ZNF385D: variants seen among roughly 807,000 people sequenced by gnomAD.
ZNF385D encodes zinc finger protein 659.
A neutral mutation model predicts 35.8 loss-of-function variants in ZNF385D; 15 were observed. The ratio of observed to expected loss-of-function variants is 0.42; its 90% CI spans 0.28 to 0.64. The LOEUF (loss-of-function observed/expected upper bound fraction) is 0.64, where lower values mean the gene tolerates loss of function less well. Ranked by LOEUF, ZNF385D falls within the 30% of genes least tolerant of loss-of-function variation. The pLI is 0.23. For missense variants in ZNF385D, 474 were observed against 494.6 expected, an observed-to-expected ratio of 0.96 and a Z score of 0.39; for synonymous variants, 212 against 186.8, an observed-to-expected ratio of 1.13 and a Z score of -1.10.
chr3:22,022,671 A>C (rs1697295692), intron 3 of ZNF385D, among the ~76,000 whole-genome samples: 2 of 152,196 alleles, frequency 1.3e-5, no homozygotes, highest in South Asian at 4.1e-4. Context: ...TGTCTTAAGC[A>C]AACTCAACAT....
chr3:21,626,735 GTT>G (rs1312488438), intron 2 of ZNF385D, among the ~76,000 whole-genome samples: 2 of 152,206 alleles, frequency 1.3e-5, no homozygotes, highest in Non-Finnish European at 2.9e-5. Context: ...TGAGAAGTGA[GTT>G]CAAAATGGAT....
chr3:22,123,962 C>CTCTCTCTCTCTCTA (rs1491571691), intron 3 of ZNF385D, among the ~76,000 whole-genome samples: 1 of 61,840 alleles, frequency 1.6e-5, no homozygotes, highest in African/African-American at 6.1e-5. Context: ...CTCTCTCTCT[C>CTCTCTCTCTCTCTA]TATATATATA....
intron 2 of ZNF385D, among the ~76,000 whole-genome samples, chr3:21,571,332 C>CTAAT (rs1192402131): frequency 6.6e-6 from 1 of 152,092 alleles, no homozygotes; most frequent in Non-Finnish European, 1.5e-5. Flanking sequence ...AAACCATATC[C>CTAAT]TAATTTTTGC....
chr3:22,024,047 C>A (rs1171894694), intron 3 of ZNF385D, among the ~76,000 whole-genome samples: 3 of 152,114 alleles, frequency 2.0e-5, no homozygotes, highest in African/African-American at 4.8e-5. Flanking sequence ...CTGGGAAAGG[C>A]AGACCCACCC....
At chr3:22,279,012 C>G (rs1411083689) in intron 2 of ZNF385D, among the ~76,000 whole-genome samples, 3 of 152,142 alleles carry the variant, frequency 2.0e-5, no homozygotes, top group Non-Finnish European at 2.9e-5. Flanking sequence ...CTTCTACATT[C>G]TATGGCGTCC....
intron 3 of ZNF385D, among the ~76,000 whole-genome samples, chr3:22,130,698 G>T (rs13319971): frequency 0.021 from 3,239 of 152,062 alleles, 116 homozygotes; most frequent in African/African-American, 0.075. Flanking sequence ...GGAGAGGGGC[G>T]GTGTAGACAA....
At position 21,424,007 on chromosome 3, in the gene ZNF385D, A is replaced by G. The variant is rs1700867737; in HGVS notation, c.910T>C (p.Tyr304His). 1 of 1,607,310 alleles carries G rather than the reference A, an allele frequency of 6.2e-7. No individual in the cohort carries two copies. Among genetic ancestry groups the G allele is most frequent in the Non-Finnish European group, 8.5e-7 (1 of 1,177,946 alleles). ...TTCTGTAGTTTGTTGTAAGGACTGT[A>G]TTTAGGTTTCGGGGGCTTCCCAGCA... Reference protein sequence around the residue: ...RAAGKPPKPKYSPYNKLQKTA... With the variant: ...RAAGKPPKPKHSPYNKLQKTA... Residue 304 changes from tyrosine (Y) to histidine (H), a missense_variant, in exon 7 of 8, where the codon TAC (tyrosine) becomes CAC (histidine). Tyr to His is a moderately conservative substitution (Grantham distance 83). Coordinates refer to ENST00000281523, the MANE Select transcript of ZNF385D (RefSeq NM_024697.3).
Position 21,421,357 on chromosome 3 carries a change from C to G in ZNF385D, c.1045G>C (p.Val349Leu). The change falls in exon 8 of 8, where the codon GTG (valine) becomes CTG (leucine). Residue 349 changes from valine (V) to leucine (L), a missense_variant. Val to Leu is a conservative substitution (Grantham distance 32, BLOSUM62 1). Transcript: ENST00000281523. Reference protein sequence around the residue: ...PLAAAAAAAAVAVSSPFSLRT... With the variant: ...PLAAAAAAAALAVSSPFSLRT... The stretch of plus-strand genomic sequence containing the variant: ...AGACTGAAGGGGGAACTCACTGCCA[C>G]TGCTGCTGCGGCTGCTGCAGCTGCT... 1 of 1,613,548 alleles carries G rather than the reference C, an allele frequency of 6.2e-7. No homozygotes were observed. The highest frequency in any genetic ancestry group is 8.5e-7 in the Non-Finnish European group (1 of 1,179,622).
At chr3:21,778,317 C>T (rs1389369905) in intron 3 of ZNF385D, among the ~76,000 whole-genome samples, 1 of 151,814 alleles carries the variant, frequency 6.6e-6, no homozygotes, top group Non-Finnish European at 1.5e-5. Flanking sequence ...TTTCTTTCCC[C>T]AACACACCTA....
At chr3:21,808,064 T>C (rs2072734260) in intron 3 of ZNF385D, among the ~76,000 whole-genome samples, 1 of 152,182 alleles carries the variant, frequency 6.6e-6, no homozygotes, top group Non-Finnish European at 1.5e-5. Flanking sequence ...TGCTCTGTGA[T>C]ACTATAATGA....
At chr3:21,572,586 CAG>C (rs1186360084) in intron 2 of ZNF385D, among the ~76,000 whole-genome samples, 3 of 152,134 alleles carry the variant, frequency 2.0e-5, no homozygotes, top group African/African-American at 4.8e-5. Context: ...CATATAAAAA[CAG>C]AGTTTCCCCG....
chr3:21,982,854 T>G (rs1373207601), intron 3 of ZNF385D, among the ~76,000 whole-genome samples: 1 of 151,844 alleles, frequency 6.6e-6, no homozygotes, highest in South Asian at 2.1e-4. Context: ...TCATGTGGGT[T>G]TTTTTTGTCT....
chr3:22,159,047 C>T (rs1418777763), intron 3 of ZNF385D, among the ~76,000 whole-genome samples: 2 of 151,652 alleles, frequency 1.3e-5, no homozygotes, highest in Non-Finnish European at 2.9e-5. Context: ...AAGATGTTGT[C>T]GGTGGACGTG....
At chr3:21,581,945 C>A (rs1021803714) in intron 2 of ZNF385D, among the ~76,000 whole-genome samples, 1 of 152,112 alleles carries the variant, frequency 6.6e-6, no homozygotes, top group African/African-American at 2.4e-5. Context: ...GTAATAGAAT[C>A]ACCTTTCTTA....
chr3:21,428,086 G>T (rs2125207430), intron 5 of ZNF385D, among the ~76,000 whole-genome samples: 1 of 152,206 alleles, frequency 6.6e-6, no homozygotes, highest in East Asian at 1.9e-4. Context: ...AGATCTTAAA[G>T]CTTGAGTAGG....
intron 3 of ZNF385D, among the ~76,000 whole-genome samples, chr3:22,059,962 T>C (rs919938768): frequency 6.6e-6 from 1 of 152,106 alleles, no homozygotes; most frequent in Non-Finnish European, 1.5e-5. Flanking sequence ...TGGATAAAAG[T>C]GAAGGGAGGG....
At chr3:21,772,877 T>G (rs2071133896) in intron 3 of ZNF385D, among the ~76,000 whole-genome samples, 1 of 151,898 alleles carries the variant, frequency 6.6e-6, no homozygotes, top group African/African-American at 2.4e-5. Flanking sequence ...TCATTCAGCC[T>G]TAAAAATGAA....
chr3:21,661,012 G>A (rs71310270), intron 2 of ZNF385D, among the ~76,000 whole-genome samples: 2,561 of 152,206 alleles, frequency 0.017, 34 homozygotes, highest in Middle Eastern at 0.037. Flanking sequence ...TATATTAGAC[G>A]CCACTGAAAA....
At chr3:21,920,068 T>C (rs540409335) in intron 3 of ZNF385D, among the ~76,000 whole-genome samples, 12 of 152,324 alleles carry the variant, frequency 7.9e-5, no homozygotes, top group African/African-American at 2.9e-4. Flanking sequence ...CCAAAGTATA[T>C]TTTGGTATAG....
Sources: gnomAD v4.1 joint callset for allele counts (sites outside exome capture counted in the v4.1 genomes callset) on GRCh38, gnomAD v4.1.1 for gene constraint, MANE v1.5 for transcripts, NCBI Gene and HGNC (gene_info 2026-07-23, HGNC 2026-07-21) for gene names.